The following JAKMIP2 variants were observed in gnomAD, a reference collection of about 807,000 sequenced individuals.
JAKMIP2 encodes the protein janus kinase and microtubule-interacting protein 2.
Under a neutral mutation model 115.0 loss-of-function variants are expected in JAKMIP2, and 25 were observed. The ratio of observed to expected loss-of-function variants is 0.22; its 90% CI spans 0.16 to 0.30. The LOEUF is 0.30. Among genes scored for constraint, JAKMIP2 ranks in the 10% least tolerant of loss-of-function variants. JAKMIP2 has a pLI of 1.00. For missense variants in JAKMIP2, 642 were observed against 957.6 expected (o/e 0.67, Z 4.35); for synonymous variants, 334 against 343.6 (o/e 0.97, Z 0.31).
chr5:147,732,841 C>T (rs529261433), intron 1 of JAKMIP2, among the ~76,000 whole-genome samples: 9 of 152,158 alleles, frequency 5.9e-5, no homozygotes, highest in East Asian at 1.9e-4. Context: ...CTTAATTTCA[C>T]GCTGTGATGT....
intron 5 of JAKMIP2, among the ~76,000 whole-genome samples, chr5:147,648,174 G>A (rs760288838): frequency 1.3e-5 from 2 of 152,148 alleles, no homozygotes; most frequent in South Asian, 2.1e-4. Flanking sequence ...CACAAGAAGC[G>A]GGGGTGTGAG....
At chr5:147,600,795 A>T (rs1306800405) in intron 21 of JAKMIP2, among the ~76,000 whole-genome samples, 1 of 152,120 alleles carries the variant, frequency 6.6e-6, no homozygotes, top group Non-Finnish European at 1.5e-5. Flanking sequence ...AAGCACTGGG[A>T]ATCACTAAGA....
intron 1 of JAKMIP2, among the ~76,000 whole-genome samples, chr5:147,740,311 A>G (rs1395203801): frequency 6.6e-6 from 1 of 152,230 alleles, no homozygotes; most frequent in Non-Finnish European, 1.5e-5. Context: ...AGATATAAAG[A>G]AGAAATTGGG....
intron 2 of JAKMIP2, among the ~76,000 whole-genome samples, chr5:147,664,569 G>A (rs1029971224): frequency 3.3e-5 from 5 of 152,060 alleles, no homozygotes; most frequent in African/African-American, 1.2e-4. Flanking sequence ...CCTGGCTAGA[G>A]GTCATCCTCT....
intron 1 of JAKMIP2, among the ~76,000 whole-genome samples, chr5:147,707,134 A>C (rs1261097506): frequency 1.3e-5 from 2 of 152,136 alleles, no homozygotes; most frequent in African/African-American, 4.8e-5. Context: ...TGCAGCCACC[A>C]TGTTGAGTCC....
intron 1 of JAKMIP2, among the ~76,000 whole-genome samples, chr5:147,743,518 T>G (rs1754228581): frequency 6.6e-6 from 1 of 152,240 alleles, no homozygotes; most frequent in African/African-American, 2.4e-5. Flanking sequence ...AGGTTGAGGT[T>G]TGACACACAG....
chr5:147,587,874 G>A lies in JAKMIP2; in HGVS notation c.*3833C>T, dbSNP rs1005752095. ...GCTCTCTACCTAAGTGATAACCCAG[G>A]CCTTCTATATCAGCTCTACCTTATG... On this transcript the variant is annotated 3_prime_UTR_variant, in exon 22 of 22. Coordinates refer to ENST00000616793, the MANE Select transcript of JAKMIP2 (RefSeq NM_001270941.2). The A allele has an allele frequency of 2.0e-5, 3 of 150,900 alleles. No homozygotes were observed. The highest frequency in any genetic ancestry group is 4.4e-5 in the Non-Finnish European group (3 of 67,860). 9.3% of individuals were successfully genotyped at this position (150,900 alleles called of 1,614,324 possible). A position where few individuals can be genotyped will look rare whatever the true frequency, so the allele number is the denominator to read the frequency against.
At chr5:147,713,136 A>G (rs1485247621) in intron 1 of JAKMIP2, among the ~76,000 whole-genome samples, 2 of 152,220 alleles carry the variant, frequency 1.3e-5, no homozygotes, top group African/African-American at 4.8e-5. Flanking sequence ...GCCAGCAATG[A>G]TACAATGGAG....
At chr5:147,637,551 C>T (rs1302667059) in intron 10 of JAKMIP2, among the ~76,000 whole-genome samples, 3 of 150,772 alleles carry the variant, frequency 2.0e-5, no homozygotes, top group South Asian at 2.1e-4. Flanking sequence ...GCAATTCTCC[C>T]GCTTCAGCCT....
intron 21 of JAKMIP2, among the ~76,000 whole-genome samples, chr5:147,595,202 A>G (rs190398619): frequency 6.6e-6 from 1 of 152,320 alleles, no homozygotes; most frequent in East Asian, 1.9e-4. Flanking sequence ...TTTTTATATT[A>G]GAAAATTAAC....
chr5:147,679,488 C>T (rs371648917), intron 1 of JAKMIP2, among the ~76,000 whole-genome samples: 17 of 152,204 alleles, frequency 1.1e-4, no homozygotes, highest in African/African-American at 3.9e-4. Flanking sequence ...AAAACTAATT[C>T]TAGAAAGCAG....
intron 1 of JAKMIP2, among the ~76,000 whole-genome samples, chr5:147,781,361 C>T (rs934762178): frequency 2.0e-5 from 3 of 152,176 alleles, no homozygotes; most frequent in Admixed American, 6.5e-5. Flanking sequence ...AAAATGAATA[C>T]ATTTCACCTT....
chr5:147,629,210 A>T (rs73268134), intron 15 of JAKMIP2, among the ~76,000 whole-genome samples: 7,213 of 152,208 alleles, frequency 0.047, 551 homozygotes, highest in African/African-American at 0.16. Context: ...ACCTACAAGC[A>T]CCAATCACAT....
At chr5:147,670,416 G>A (rs943633743) in intron 2 of JAKMIP2, among the ~76,000 whole-genome samples, 2 of 152,060 alleles carry the variant, frequency 1.3e-5, no homozygotes, top group African/African-American at 4.8e-5. Context: ...CTGTCATGGT[G>A]GTCTCTGGTT....
intron 1 of JAKMIP2, among the ~76,000 whole-genome samples, chr5:147,723,038 T>C (rs1753377976): frequency 8.5e-6 from 1 of 117,712 alleles, no homozygotes; most frequent in African/African-American, 3.1e-5. Context: ...TAACCACGCA[T>C]CATCAACACT....
At chr5:147,727,645 G>T (rs1349134361) in intron 1 of JAKMIP2, among the ~76,000 whole-genome samples, 2 of 152,122 alleles carry the variant, frequency 1.3e-5, no homozygotes, top group Non-Finnish European at 2.9e-5. Flanking sequence ...ATGAGAATTG[G>T]GTGGCAACAT....
intron 1 of JAKMIP2, among the ~76,000 whole-genome samples, chr5:147,711,572 G>A (rs769953675): frequency 5.9e-5 from 9 of 152,160 alleles, no homozygotes; most frequent in Admixed American, 3.3e-4. Context: ...TTTCCTCATC[G>A]ATAAAAACAG....
At chr5:147,601,306 G>T (rs1041811088) in intron 21 of JAKMIP2, among the ~76,000 whole-genome samples, 2 of 152,130 alleles carry the variant, frequency 1.3e-5, no homozygotes, top group African/African-American at 4.8e-5. Context: ...ATATAGCATA[G>T]TTAAAATATA....
At chr5:147,618,173 G>C (rs202101658) in intron 18 of JAKMIP2, 59 bp from the exon 19 acceptor site, 2 of 977,914 alleles carry the variant, frequency 2.0e-6, no homozygotes, top group East Asian at 3.5e-5. Flanking sequence ...TCTGGTGTGG[G>C]AGTGTATGCT....
Sources: gnomAD v4.1 joint callset for allele counts (sites outside exome capture counted in the v4.1 genomes callset) on GRCh38, gnomAD v4.1.1 for gene constraint, MANE v1.5 for transcripts, NCBI Gene and HGNC (gene_info 2026-07-23, HGNC 2026-07-21) for gene names.